DNAJC5B: variants seen among roughly 807,000 people sequenced by gnomAD.
DNAJC5B encodes DnaJ heat shock protein family (Hsp40) member C5 beta, also known as dnaJ homolog subfamily C member 5B.
A neutral mutation model predicts 24.7 loss-of-function variants in DNAJC5B; 23 were observed. The observed-to-expected ratio is 0.93, with a 90% CI of 0.67 to 1.32. The LOEUF (loss-of-function observed/expected upper bound fraction) is 1.32, where lower values mean the gene tolerates loss of function less well. Among genes scored for constraint, DNAJC5B ranks in the 40% most tolerant of loss-of-function variants. The probability of loss-of-function intolerance (pLI) is 0.00; values close to 1 mark genes in which losing one functional copy is unlikely to be tolerated. For synonymous variants in DNAJC5B, 101 were observed against 90.1 expected, an observed-to-expected ratio of 1.12 and a Z score of -0.68; for missense variants, 238 against 240.8, an observed-to-expected ratio of 0.99 and a Z score of 0.08.
rs146588196 is a variant in DNAJC5B, at chr8:66,061,870, G to T, written c.119+10204G>T. ...GTCTAAGCAAAAAGAATTGAACTGG[G>T]GGTGGGGAGGACAGAAGAAACCCAA... is the stretch of plus-strand genomic sequence containing the variant. On this transcript the variant is annotated intron_variant, in intron 3 of 5. Transcript: ENST00000276570. Among the ~76,000 whole-genome samples the T allele has an allele frequency of 1.0e-3, 152 of 152,192 alleles. 2 individuals are homozygous for T. In the East Asian group the frequency reaches 0.024, roughly 24 times the overall value.
intron 3 of DNAJC5B, chr8:66,057,431 TG>T (rs1806989851): frequency 6.6e-6 from 1 of 152,154 alleles, no homozygotes; most frequent in South Asian, 2.1e-4. Flanking sequence ...CAGAAACCTG[TG>T]GGACAATAAC....
chr8:66,047,701 A>G (rs1025562225), intron 2 of DNAJC5B, among the ~76,000 whole-genome samples: 2 of 152,184 alleles, frequency 1.3e-5, no homozygotes. Context: ...ACTTTTATGG[A>G]ACATAGCCCT....
At chr8:66,075,129 C>T (rs1466967191) in intron 3 of DNAJC5B, among the ~76,000 whole-genome samples, 2 of 152,026 alleles carry the variant, frequency 1.3e-5, no homozygotes, top group Non-Finnish European at 2.9e-5. Flanking sequence ...TGCAGTGATG[C>T]AGTCTTGGTT....
chr8:66,053,047 C>T (rs1586083445), intron 3 of DNAJC5B, among the ~76,000 whole-genome samples: 1 of 152,276 alleles, frequency 6.6e-6, no homozygotes, highest in African/African-American at 2.4e-5. Flanking sequence ...TCCTGAGTAG[C>T]TAGGACTTCA....
chr8:66,023,255 T>C (rs1260105482), intron 1 of DNAJC5B, among the ~76,000 whole-genome samples: 1 of 152,210 alleles, frequency 6.6e-6, no homozygotes, highest in Non-Finnish European at 1.5e-5. Context: ...AATGTATTGG[T>C]TCATATTTGA....
intron 3 of DNAJC5B, chr8:66,057,379 C>G (rs548680527): frequency 2.0e-5 from 3 of 152,128 alleles, no homozygotes; most frequent in Non-Finnish European, 4.4e-5. Context: ...AGAATGTTCC[C>G]GATCTGAACA....
intron 5 of DNAJC5B, among the ~76,000 whole-genome samples, chr8:66,094,411 A>G (rs907001618): frequency 2.0e-5 from 3 of 152,058 alleles, no homozygotes; most frequent in South Asian, 2.1e-4. Context: ...CTTACTACCA[A>G]TCAATTATAT....
At chr8:66,032,304 G>GGGCA (rs1340784370) in intron 1 of DNAJC5B, among the ~76,000 whole-genome samples, 1 of 152,248 alleles carries the variant, frequency 6.6e-6, no homozygotes, top group Non-Finnish European at 1.5e-5. Flanking sequence ...GGCAGCAGCA[G>GGGCA]GGCAGGCACA....
At chr8:66,075,632 C>G (rs1807445284) in intron 3 of DNAJC5B, among the ~76,000 whole-genome samples, 1 of 152,054 alleles carries the variant, frequency 6.6e-6, no homozygotes, top group Middle Eastern at 3.2e-3. Flanking sequence ...TTAACACGAA[C>G]CATCATTGTT....
intron 3 of DNAJC5B, among the ~76,000 whole-genome samples, chr8:66,054,170 G>GA (rs893892887): frequency 1.3e-5 from 2 of 151,600 alleles, no homozygotes; most frequent in African/African-American, 4.8e-5. Flanking sequence ...GCCTTTACAG[G>GA]AAAAAAATAA....
intron 5 of DNAJC5B, among the ~76,000 whole-genome samples, chr8:66,089,373 G>A (rs981595107): frequency 6.6e-6 from 1 of 152,106 alleles, no homozygotes; most frequent in Non-Finnish European, 1.5e-5. Flanking sequence ...CCATATCAGT[G>A]ACCAAACACC....
chr8:66,043,569 A>T lies in DNAJC5B; in HGVS notation c.-60A>T, dbSNP rs1806661077. 6.6e-6 allele frequency: 1 copy of T among 152,246 alleles called. No individual in the cohort carries two copies. Among genetic ancestry groups the T allele is most frequent in the Non-Finnish European group, 1.5e-5 (1 of 68,056 alleles). 9.4% of individuals were successfully genotyped at this position (152,246 alleles called of 1,614,324 possible). On this transcript the variant is annotated 5_prime_UTR_variant, in exon 2 of 6. The change creates a new upstream start codon in the 5' untranslated region. Transcript: ENST00000276570. Reference sequence around the variant, plus strand: ...CCTGCTTAACCCTGCATGGGGGGGAAGGATGGAAAGGAGCAGCTGTTTGCT... The same window carrying T: ...CCTGCTTAACCCTGCATGGGGGGGATGGATGGAAAGGAGCAGCTGTTTGCT...
At chr8:66,088,413 C>T (rs1423890783) in intron 5 of DNAJC5B, among the ~76,000 whole-genome samples, 1 of 152,182 alleles carries the variant, frequency 6.6e-6, no homozygotes, top group Non-Finnish European at 1.5e-5. Context: ...GACAGTTTCC[C>T]CATCATCTTG....
intron 1 of DNAJC5B, among the ~76,000 whole-genome samples, chr8:66,027,010 G>C (rs1334995616): frequency 2.0e-5 from 3 of 152,110 alleles, no homozygotes; most frequent in Admixed American, 2.0e-4. Flanking sequence ...GGTCAAGTTT[G>C]GGCTTTTAGG....
At chr8:66,094,954 T>C (rs952902004) in intron 5 of DNAJC5B, among the ~76,000 whole-genome samples, 4 of 152,114 alleles carry the variant, frequency 2.6e-5, no homozygotes, top group Non-Finnish European at 5.9e-5. Flanking sequence ...GATAATTAAA[T>C]TCAGCATAGT....
intron 1 of DNAJC5B, among the ~76,000 whole-genome samples, chr8:66,037,324 G>A (rs1292828807): frequency 6.6e-6 from 1 of 152,174 alleles, no homozygotes; most frequent in African/African-American, 2.4e-5. Context: ...AAAGGCTCTG[G>A]AAGGAGCAGG....
At chr8:66,055,825 C>T (rs946769450) in intron 3 of DNAJC5B, among the ~76,000 whole-genome samples, 16 of 152,186 alleles carry the variant, frequency 1.1e-4, no homozygotes, top group African/African-American at 3.9e-4. Context: ...GCCTGTAATC[C>T]CAGCTGCTCG....
chr8:66,074,610 C>G (rs1171023538), intron 3 of DNAJC5B, among the ~76,000 whole-genome samples: 1 of 152,164 alleles, frequency 6.6e-6, no homozygotes, highest in Non-Finnish European at 1.5e-5. Flanking sequence ...CTTTAAGTAT[C>G]AATGTAGAAA....
At chr8:66,051,320 T>C (rs1806839631) in intron 2 of DNAJC5B, among the ~76,000 whole-genome samples, 1 of 152,266 alleles carries the variant, frequency 6.6e-6, no homozygotes, top group South Asian at 2.1e-4. Context: ...GAGAAAGCCC[T>C]GTTCCATTTG....
Sources: allele counts gnomAD v4.1 joint callset (sites outside exome capture counted in the v4.1 genomes callset), GRCh38; gene constraint gnomAD v4.1.1; transcripts MANE v1.5; gene names NCBI Gene and HGNC (gene_info 2026-07-23, HGNC 2026-07-21).